Variants in TAFA1 observed in about 807,000 individuals in gnomAD.
TAFA1 encodes TAFA chemokine like family member 1.
TAFA1 carries 4 observed loss-of-function variants against 18.5 expected under a neutral mutation model. That is an observed-to-expected ratio of 0.22 (90% CI 0.11 to 0.49). TAFA1 has a LOEUF of 0.49. TAFA1 is among the 20% of genes least tolerant of loss of function. TAFA1 has a pLI of 0.98. For synonymous variants in TAFA1, 56 were observed against 55.2 expected, an observed-to-expected ratio of 1.01 and a Z score of -0.06; for missense variants, 147 against 169.0, an observed-to-expected ratio of 0.87 and a Z score of 0.72.
intron 2 of TAFA1, among the ~76,000 whole-genome samples, chr3:68,161,801 A>T (rs138972463): frequency 1.1e-3 from 166 of 152,106 alleles, no homozygotes; most frequent in South Asian, 4.2e-3. Flanking sequence ...TGGCATGGAG[A>T]CTTGATCATT....
chr3:68,366,273 T>C (rs1472762200), intron 2 of TAFA1, among the ~76,000 whole-genome samples: 3 of 152,090 alleles, frequency 2.0e-5, no homozygotes, highest in African/African-American at 7.2e-5. Context: ...ATAATATCAA[T>C]GGGTGAGTGT....
chr3:68,532,335 G>T (rs1167695261), intron 3 of TAFA1, among the ~76,000 whole-genome samples: 1 of 152,154 alleles, frequency 6.6e-6, no homozygotes, highest in Non-Finnish European at 1.5e-5. Flanking sequence ...AAGCCCCTCA[G>T]GTATCTGGGA....
intron 2 of TAFA1, among the ~76,000 whole-genome samples, chr3:68,410,137 C>A (rs1356830999): frequency 6.6e-6 from 1 of 152,074 alleles, no homozygotes; most frequent in Non-Finnish European, 1.5e-5. Context: ...CTATCTTTTT[C>A]TCTTTTTTGG....
chr3:68,093,403 C>T (rs933727136), intron 2 of TAFA1, among the ~76,000 whole-genome samples: 4 of 152,108 alleles, frequency 2.6e-5, no homozygotes, highest in African/African-American at 7.2e-5. Flanking sequence ...TATTTCAGCT[C>T]TGAGGAAGAC....
Position 68,503,701 on chromosome 3 carries a change from C to T in TAFA1, c.260-35055C>T, listed in dbSNP as rs982536819. 3.9e-5 allele frequency among the ~76,000 whole-genome samples: 6 copies of T among 152,014 alleles called. 1 individual carries two copies. The South Asian group carries it at 6.2e-4, about 16-fold the overall frequency. On this transcript the variant is annotated intron_variant, in intron 3 of 4. Transcript: ENST00000478136. ...TTTAGTTATGTGAATTTTACCGAAT[C>T]GTTTTTTGAAAAATCATTCCTAGTA...
chr3:68,375,622 GTTCAA>G (rs1425065549), intron 2 of TAFA1, among the ~76,000 whole-genome samples: 1 of 152,036 alleles, frequency 6.6e-6, no homozygotes, highest in African/African-American at 2.4e-5. Context: ...TCTTTTCTTT[GTTCAA>G]TTCAATTCAT....
intron 2 of TAFA1, among the ~76,000 whole-genome samples, chr3:68,229,059 C>T (rs545859402): frequency 1.5e-3 from 230 of 152,274 alleles, no homozygotes; most frequent in Non-Finnish European, 3.0e-3. Context: ...GCATCTGGCT[C>T]GACTTTTAAA....
intron 3 of TAFA1, among the ~76,000 whole-genome samples, chr3:68,452,753 T>C (rs2071587393): frequency 6.6e-6 from 1 of 152,164 alleles, no homozygotes; most frequent in Non-Finnish European, 1.5e-5. Context: ...ATCATTTGTG[T>C]TGTTTTCTAG....
At chr3:68,158,371 A>G (rs922039250) in intron 2 of TAFA1, among the ~76,000 whole-genome samples, 1 of 152,088 alleles carries the variant, frequency 6.6e-6, no homozygotes, top group African/African-American at 2.4e-5. Context: ...GTGAAAGGGC[A>G]TTGCAGGTAG....
In TAFA1 at chr3:68,013,244, TGTGA is replaced by T. The variant is rs1412944976; in HGVS notation, c.118+6504_118+6507del. Among the ~76,000 whole-genome samples the T allele has an allele frequency of 2.0e-5, 3 of 152,304 alleles. No homozygotes were observed. The East Asian group carries it at 5.8e-4, about 29-fold the overall frequency. ...TGTTCCTTAGTTGTTACTACTTGTG[TGTGA>T]GTGTGTGTGTACATATGGATGTATG... On this transcript the variant is annotated intron_variant, in intron 2 of 4. Coordinates refer to ENST00000478136, the MANE Select transcript of TAFA1 (RefSeq NM_213609.4).
intron 2 of TAFA1, among the ~76,000 whole-genome samples, chr3:68,159,726 T>C (rs932382548): frequency 4.6e-5 from 7 of 152,096 alleles, no homozygotes; most frequent in African/African-American, 1.7e-4. Context: ...ACAAACTTTC[T>C]CCCACCTGGA....
chr3:68,469,597 C>T (rs1188268925), intron 3 of TAFA1, among the ~76,000 whole-genome samples: 6 of 152,046 alleles, frequency 3.9e-5, no homozygotes, highest in African/African-American at 1.2e-4. Flanking sequence ...GGCGTGAACC[C>T]GGGAGGTGGA....
At chr3:68,348,397 G>A (rs929957132) in intron 2 of TAFA1, among the ~76,000 whole-genome samples, 2 of 152,112 alleles carry the variant, frequency 1.3e-5, no homozygotes, top group Non-Finnish European at 1.5e-5. Context: ...CACATACAAT[G>A]TCTAACCTTT....
intron 3 of TAFA1, among the ~76,000 whole-genome samples, chr3:68,481,681 G>A (rs1333901760): frequency 6.6e-6 from 1 of 152,102 alleles, no homozygotes; most frequent in Non-Finnish European, 1.5e-5. Context: ...TTTATATAAA[G>A]CAGATTACAC....
At chr3:68,406,083 A>G (rs2070600778) in intron 2 of TAFA1, among the ~76,000 whole-genome samples, 2 of 152,176 alleles carry the variant, frequency 1.3e-5, no homozygotes, top group Non-Finnish European at 2.9e-5. Context: ...AGAGGTTACA[A>G]CTTGCTCCAA....
chr3:68,327,788 A>G (rs1283416917), intron 2 of TAFA1, among the ~76,000 whole-genome samples: 1 of 152,190 alleles, frequency 6.6e-6, no homozygotes, highest in Non-Finnish European at 1.5e-5. Flanking sequence ...AGTTTTTATT[A>G]ATGAAGGCTT....
chr3:68,493,256 T>A (rs916681281), intron 3 of TAFA1, among the ~76,000 whole-genome samples: 1 of 152,214 alleles, frequency 6.6e-6, no homozygotes, highest in Admixed American at 6.5e-5. Context: ...TTTCCTTGTA[T>A]GTCTGGCTTA....
intron 2 of TAFA1, among the ~76,000 whole-genome samples, chr3:68,302,984 G>A (rs1285508140): frequency 6.6e-6 from 1 of 152,034 alleles, no homozygotes; most frequent in Admixed American, 6.6e-5. Context: ...TTTAAAATGG[G>A]AAAAATATTA....
chr3:68,472,882 T>G (rs2072026906), intron 3 of TAFA1, among the ~76,000 whole-genome samples: 1 of 152,148 alleles, frequency 6.6e-6, no homozygotes, highest in Non-Finnish European at 1.5e-5. Context: ...CATTCAAGCT[T>G]TAAGCAGAAA....
Sources: allele counts gnomAD v4.1 joint callset (sites outside exome capture counted in the v4.1 genomes callset), GRCh38; gene constraint gnomAD v4.1.1; transcripts MANE v1.5; gene names NCBI Gene and HGNC (gene_info 2026-07-23, HGNC 2026-07-21).